Variants in SH3GL3 observed in about 807,000 individuals in gnomAD.
SH3GL3 encodes the protein endophilin-A3.
Under a neutral mutation model 47.7 loss-of-function variants are expected in SH3GL3, and 33 were observed. The observed-to-expected ratio is 0.69, with a 90% CI of 0.52 to 0.92. The LOEUF is 0.92. Ranked by LOEUF, SH3GL3 falls within the 40% of genes least tolerant of loss-of-function variation. The pLI is 0.00. For missense variants in SH3GL3, 363 were observed against 417.8 expected, an observed-to-expected ratio of 0.87 and a Z score of 1.14; for synonymous variants, 155 against 148.8, an observed-to-expected ratio of 1.04 and a Z score of -0.30.
chr15:83,554,256 C>T (rs558928865), intron 1 of SH3GL3, among the ~76,000 whole-genome samples: 1 of 152,200 alleles, frequency 6.6e-6, no homozygotes, highest in African/African-American at 2.4e-5. Context: ...GGCGCGATCC[C>T]GGCTCACCGC....
rs1332758181 is a variant in SH3GL3 at position 83,447,985 on chromosome 15, G to T, written c.45+407G>T. Among the ~76,000 whole-genome samples, 1 of 152,264 alleles carries T rather than the reference G, an allele frequency of 6.6e-6. No individual in the cohort carries two copies. Among genetic ancestry groups the T allele is most frequent in the East Asian group, 1.9e-4 (1 of 5,156 alleles). ...AGCCGTTTGGTTGGGAGAGCCTCGT[G>T]GGGGGCCCATCCTCCACCGGCCACC... On this transcript the variant is annotated intron_variant, in intron 1 of 8. Transcript: ENST00000427482. The surrounding 1 kb of genome is among the most constrained non-coding windows in gnomAD (Gnocchi z 5.1).
chr15:83,481,752 A>G (rs2041369507), intron 1 of SH3GL3, among the ~76,000 whole-genome samples: 1 of 152,190 alleles, frequency 6.6e-6, no homozygotes, highest in African/African-American at 2.4e-5. Flanking sequence ...GTGCAGAGAA[A>G]TATGTAATTT....
chr15:83,525,101 C>A (rs2043358582), intron 1 of SH3GL3, among the ~76,000 whole-genome samples: 1 of 152,078 alleles, frequency 6.6e-6, no homozygotes, highest in Non-Finnish European at 1.5e-5. Context: ...TCCATAATGG[C>A]TGTATTAATT....
intron 1 of SH3GL3, among the ~76,000 whole-genome samples, chr15:83,492,531 G>T (rs1173852717): frequency 1.3e-5 from 2 of 151,986 alleles, no homozygotes; most frequent in African/African-American, 4.8e-5. Flanking sequence ...TCTATAGCTT[G>T]CTGGAGGCTG....
intron 8 of SH3GL3, among the ~76,000 whole-genome samples, chr15:83,604,957 C>G (rs532981512): frequency 1.1e-3 from 165 of 152,278 alleles, no homozygotes; most frequent in African/African-American, 3.9e-3. Context: ...CACAGGGAGC[C>G]CACTAAATGC....
intron 1 of SH3GL3, among the ~76,000 whole-genome samples, chr15:83,537,533 TTAAC>T (rs1345034164): frequency 6.6e-6 from 1 of 152,174 alleles, no homozygotes; most frequent in Non-Finnish European, 1.5e-5. Context: ...TCAAGGTGCT[TTAAC>T]TAAAGAATTT....
At chr15:83,632,432 C>T in the SH3GL3 span, among the ~76,000 whole-genome samples, 2 of 152,302 alleles carry the variant, frequency 1.3e-5, no homozygotes, top group South Asian at 2.1e-4. Context: ...TGCAGAAGCA[C>T]CCCACTCTCT....
intron 8 of SH3GL3, among the ~76,000 whole-genome samples, chr15:83,603,005 T>C (rs1369226882): frequency 6.6e-6 from 1 of 152,060 alleles, no homozygotes; most frequent in Non-Finnish European, 1.5e-5. Flanking sequence ...CACAACTTGA[T>C]TTCCTTTTTT....
chr15:83,449,340 G>A (rs1335043150), intron 1 of SH3GL3, among the ~76,000 whole-genome samples: 1 of 152,208 alleles, frequency 6.6e-6, no homozygotes, highest in Non-Finnish European at 1.5e-5. Context: ...ATTGTGGAGT[G>A]TCCTCAGCTG....
chr15:83,571,244 T>C (rs1360333155), intron 4 of SH3GL3, among the ~76,000 whole-genome samples: 1 of 152,160 alleles, frequency 6.6e-6, no homozygotes, highest in East Asian at 1.9e-4. Context: ...GTTCAGAGCA[T>C]CATCTTTGGA....
intron 1 of SH3GL3, among the ~76,000 whole-genome samples, chr15:83,540,521 T>C (rs1483377729): frequency 6.6e-6 from 1 of 152,196 alleles, no homozygotes; most frequent in East Asian, 1.9e-4. Context: ...TGTTTAAATG[T>C]TCTTTATTCT....
At chr15:83,477,568 C>T (rs780711660) in intron 1 of SH3GL3, among the ~76,000 whole-genome samples, 34 of 152,110 alleles carry the variant, frequency 2.2e-4, no homozygotes, top group Non-Finnish European at 4.3e-4. Flanking sequence ...GTTTTAGCCT[C>T]GGTTAACTTC....
chr15:83,498,448 C>T (rs1053456033), intron 1 of SH3GL3, among the ~76,000 whole-genome samples: 1 of 152,192 alleles, frequency 6.6e-6, no homozygotes, highest in Non-Finnish European at 1.5e-5. Context: ...GCAAAGGGCT[C>T]AATATGTAGT....
chr15:83,602,057 TAG>T (rs2060398761), intron 8 of SH3GL3, among the ~76,000 whole-genome samples: 1 of 152,078 alleles, frequency 6.6e-6, no homozygotes, highest in Non-Finnish European at 1.5e-5. Flanking sequence ...TTCTAATGCA[TAG>T]AGTCTCTCAG....
At position 83,471,030 on chromosome 15, in the gene SH3GL3, T is replaced by G. The variant is rs374066985; in HGVS notation, c.45+23452T>G. Among the ~76,000 whole-genome samples, 17 of 152,230 alleles carry G rather than the reference T, an allele frequency of 1.1e-4. 1 individual carries two copies. The highest frequency in any genetic ancestry group is 3.8e-4 in the East Asian group (2 of 5,206). ...TGGGCTTTAACCATCAAATATAGTT[T>G]AGAATACTTATGGAAAGGAGTCTAT... On this transcript the variant is annotated intron_variant, in intron 1 of 8. Transcript: ENST00000427482.
At chr15:83,627,193 A>C in the SH3GL3 span, among the ~76,000 whole-genome samples, 19 of 152,180 alleles carry the variant, frequency 1.2e-4, 1 homozygote, top group Admixed American at 1.1e-3. Flanking sequence ...GTCAGCAGAC[A>C]GAGACCATCC....
chr15:83,632,163 T>C, the SH3GL3 span, among the ~76,000 whole-genome samples: 1,282 of 152,338 alleles, frequency 8.4e-3, 20 homozygotes, highest in African/African-American at 0.028. Context: ...CTGGACTTCA[T>C]TGTCCATATC....
At position 83,476,189 on chromosome 15, in the gene SH3GL3, C is replaced by T. The variant is rs368020419; in HGVS notation, c.45+28611C>T. ...CCTTCTACGAAGGAGGGAATTGAGG[C>T]TTGGCAAGGTCAAGTAAAATTTGCT... On this transcript the variant is annotated intron_variant, in intron 1 of 8. Coordinates refer to ENST00000427482, the MANE Select transcript of SH3GL3 (RefSeq NM_003027.5). 8.0e-4 allele frequency among the ~76,000 whole-genome samples: 122 copies of T among 152,184 alleles called. 1 individual carries two copies. The highest frequency in any genetic ancestry group is 2.8e-3 in the African/African-American group (117 of 41,528).
intron 1 of SH3GL3, among the ~76,000 whole-genome samples, chr15:83,502,947 C>A (rs945518286): frequency 6.6e-6 from 1 of 152,100 alleles, no homozygotes; most frequent in Non-Finnish European, 1.5e-5. Flanking sequence ...CTTGAAAGAA[C>A]CTAACTTCTA....
Sources: gnomAD v4.1 joint callset for allele counts (sites outside exome capture counted in the v4.1 genomes callset) on GRCh38, gnomAD v4.1.1 for gene constraint, Gnocchi (gnomAD v3.1) non-coding constraint, MANE v1.5 for transcripts, NCBI Gene and HGNC (gene_info 2026-07-23, HGNC 2026-07-21) for gene names.